The following CHN1 variants were observed in gnomAD, a reference collection of about 807,000 sequenced individuals.
CHN1 encodes chimerin 1.
Under a neutral mutation model 59.5 loss-of-function variants are expected in CHN1, and 37 were observed. That is an observed-to-expected ratio of 0.62 (90% CI 0.48 to 0.82). The LOEUF is 0.82. Among genes scored for constraint, CHN1 ranks in the 40% least tolerant of loss-of-function variants. The pLI is 0.00. For missense variants in CHN1, 469 were observed against 571.0 expected, an observed-to-expected ratio of 0.82 and a Z score of 1.82; for synonymous variants, 206 against 200.4, an observed-to-expected ratio of 1.03 and a Z score of -0.24.
chr2:174,840,316 TATC>T (rs1020516137), intron 7 of CHN1, among the ~76,000 whole-genome samples: 1 of 151,670 alleles, frequency 6.6e-6, no homozygotes, highest in Non-Finnish European at 1.5e-5. Context: ...AGGTGCACAA[TATC>T]ATACCCAGCT....
chr2:174,934,540 G>C (rs969701640), intron 3 of CHN1, among the ~76,000 whole-genome samples: 1 of 152,218 alleles, frequency 6.6e-6, no homozygotes, highest in African/African-American at 2.4e-5. Flanking sequence ...TGGCACAGGG[G>C]CCGGGGACCC....
chr2:174,848,057 G>A (rs536171262), intron 6 of CHN1, among the ~76,000 whole-genome samples: 37 of 152,212 alleles, frequency 2.4e-4, no homozygotes, highest in African/African-American at 8.9e-4. Flanking sequence ...GATAAAAGAA[G>A]TTTAACTAGG....
At chr2:174,935,463 C>T (rs968893407) in intron 3 of CHN1, among the ~76,000 whole-genome samples, 1 of 152,190 alleles carries the variant, frequency 6.6e-6, no homozygotes, top group Non-Finnish European at 1.5e-5. Flanking sequence ...ATAAATTACA[C>T]AAAGATATCT....
At chr2:174,947,032 G>T (rs982913254) in intron 2 of CHN1, among the ~76,000 whole-genome samples, 1 of 150,874 alleles carries the variant, frequency 6.6e-6, no homozygotes. Flanking sequence ...CCTTTGTCAA[G>T]AAAATGCTCT....
At chr2:174,843,867 T>C (rs1204566529) in intron 7 of CHN1, among the ~76,000 whole-genome samples, 1 of 152,072 alleles carries the variant, frequency 6.6e-6, no homozygotes, top group Non-Finnish European at 1.5e-5. Context: ...CTGGATCTTA[T>C]TTATCATTTT....
At chr2:174,812,592 T>A in intron 8 of CHN1, 110 bp from the exon 9 acceptor site, 1 of 870,520 alleles carries the variant, frequency 1.1e-6, no homozygotes, top group African/African-American at 1.7e-5. Context: ...GGTTTTAAAG[T>A]GGACTAGACT....
At chr2:174,943,012 T>C (rs1227358158) in intron 3 of CHN1, among the ~76,000 whole-genome samples, 3 of 151,550 alleles carry the variant, frequency 2.0e-5, no homozygotes, top group Admixed American at 6.6e-5. Flanking sequence ...ATCACACCAC[T>C]GGACTCTAGC....
chr2:174,916,334 G>C (rs1219104184), intron 4 of CHN1, among the ~76,000 whole-genome samples: 2 of 152,086 alleles, frequency 1.3e-5, no homozygotes, highest in African/African-American at 4.8e-5. Context: ...CCCTGTGCAA[G>C]TAGTATTAAA....
At chr2:174,909,068 G>T (rs1340547477) in intron 5 of CHN1, among the ~76,000 whole-genome samples, 1 of 152,062 alleles carries the variant, frequency 6.6e-6, no homozygotes, top group African/African-American at 2.4e-5. Flanking sequence ...ACTGTCTTTG[G>T]AACTCACACC....
chr2:174,856,854 C>T (rs940575260), intron 6 of CHN1, among the ~76,000 whole-genome samples: 2 of 152,060 alleles, frequency 1.3e-5, no homozygotes, highest in African/African-American at 4.8e-5. Flanking sequence ...GAGGGAAAGG[C>T]CTGCTGGCTG....
At chr2:174,819,201 G>T (rs1438582849) in intron 8 of CHN1, among the ~76,000 whole-genome samples, 1 of 152,028 alleles carries the variant, frequency 6.6e-6, no homozygotes, top group Non-Finnish European at 1.5e-5. Context: ...GGCTTACAAG[G>T]ACAAACGCAA....
intron 7 of CHN1, among the ~76,000 whole-genome samples, chr2:174,829,537 T>A (rs935973967): frequency 5.9e-5 from 9 of 152,242 alleles, no homozygotes; most frequent in African/African-American, 1.7e-4. Flanking sequence ...ATCCATGATA[T>A]AGGAAGATAA....
At chr2:174,967,431 AC>A (rs1690626119) in intron 1 of CHN1, among the ~76,000 whole-genome samples, 2 of 152,202 alleles carry the variant, frequency 1.3e-5, no homozygotes, top group African/African-American at 4.8e-5. Context: ...AGAATATACT[AC>A]GTTATATATG....
intron 3 of CHN1, among the ~76,000 whole-genome samples, chr2:174,937,290 G>A (rs1689525260): frequency 6.6e-6 from 1 of 152,156 alleles, no homozygotes; most frequent in Admixed American, 6.5e-5. Flanking sequence ...CTAAATGTAT[G>A]TTCCCTTTGA....
chr2:174,967,287 T>TCG (rs1418898917), intron 1 of CHN1, among the ~76,000 whole-genome samples: 2 of 151,962 alleles, frequency 1.3e-5, no homozygotes, highest in Non-Finnish European at 2.9e-5. Flanking sequence ...GCCAGGAAGG[T>TCG]CGAGACTGCA....
At chr2:174,927,328 G>T (rs1689203355) in intron 3 of CHN1, among the ~76,000 whole-genome samples, 1 of 152,150 alleles carries the variant, frequency 6.6e-6, no homozygotes, top group African/African-American at 2.4e-5. Context: ...AAAGCGTTAT[G>T]ATTACAGGCA....
At chr2:174,822,256 G>GCTTTA (rs1249170888) in intron 8 of CHN1, among the ~76,000 whole-genome samples, 1 of 152,130 alleles carries the variant, frequency 6.6e-6, no homozygotes, top group Admixed American at 6.5e-5. Context: ...TCTCCTCAAG[G>GCTTTA]CTTTTCTTTC....
intron 3 of CHN1, among the ~76,000 whole-genome samples, chr2:174,920,812 T>A (rs908499109): frequency 1.3e-5 from 2 of 152,186 alleles, no homozygotes; most frequent in Admixed American, 1.3e-4. Flanking sequence ...TTCAAGCACA[T>A]TGCACTTACT....
chr2:174,996,570 T>A (rs769606175), intron 1 of CHN1, among the ~76,000 whole-genome samples: 4 of 152,156 alleles, frequency 2.6e-5, no homozygotes, highest in Non-Finnish European at 4.4e-5. Context: ...ATATAGCTGA[T>A]CCTTGGCAGA....
Sources: allele counts gnomAD v4.1 joint callset (sites outside exome capture counted in the v4.1 genomes callset), GRCh38; gene constraint gnomAD v4.1.1; transcripts MANE v1.5; gene names NCBI Gene and HGNC (gene_info 2026-07-23, HGNC 2026-07-21).